ZNF536: variants seen among roughly 807,000 people sequenced by gnomAD.
The protein encoded by ZNF536 is zinc finger protein 536.
ZNF536 carries 13 observed loss-of-function variants against 84.5 expected under a neutral mutation model. That is an observed-to-expected ratio of 0.15 (90% CI 0.10 to 0.24). The LOEUF is 0.24. ZNF536 is among the 10% of genes least tolerant of loss of function. ZNF536 has a pLI of 1.00. For missense variants in ZNF536, 1,536 were observed against 1,747.5 expected, an observed-to-expected ratio of 0.88 and a Z score of 2.16; for synonymous variants, 811 against 742.5, an observed-to-expected ratio of 1.09 and a Z score of -1.50.
At chr19:30,592,416 T>C (rs1199364233) in intron 1 of ZNF536, among the ~76,000 whole-genome samples, 2 of 152,182 alleles carry the variant, frequency 1.3e-5, no homozygotes, top group African/African-American at 4.8e-5. Context: ...GGAAAGAAAA[T>C]GGGTCAGGCA....
At chr19:30,471,297 C>T (rs1049275479) in intron 2 of ZNF536, among the ~76,000 whole-genome samples, 3 of 152,126 alleles carry the variant, frequency 2.0e-5, no homozygotes, top group East Asian at 1.9e-4. Flanking sequence ...CAGGTTTCTA[C>T]GCAGGAAAGC....
intron 2 of ZNF536, among the ~76,000 whole-genome samples, chr19:30,489,525 T>G (rs891236169): frequency 6.6e-6 from 1 of 152,026 alleles, no homozygotes; most frequent in African/African-American, 2.4e-5. Context: ...CAGAATGCAG[T>G]GAGCTATGAT....
chr19:30,258,843 G>C (rs766330029), intron 1 of ZNF536, among the ~76,000 whole-genome samples: 1 of 151,616 alleles, frequency 6.6e-6, no homozygotes, highest in Admixed American at 6.6e-5. Flanking sequence ...TCAGCCTCCC[G>C]AGTAGCTGGG....
At chr19:30,373,828 G>A (rs2087276918) in intron 1 of ZNF536, among the ~76,000 whole-genome samples, 2 of 148,590 alleles carry the variant, frequency 1.3e-5, no homozygotes, top group Admixed American at 1.3e-4. Context: ...AGAATTCCAG[G>A]ATGATCTACA....
At chr19:30,601,323 C>T (rs1280220868) in intron 1 of ZNF536, among the ~76,000 whole-genome samples, 1 of 152,168 alleles carries the variant, frequency 6.6e-6, no homozygotes, top group Non-Finnish European at 1.5e-5. Context: ...TACAAAACCA[C>T]GGCTCTCTGG....
intron 1 of ZNF536, among the ~76,000 whole-genome samples, chr19:30,635,067 G>GGGGTGTGT (rs1555821106): frequency 7.3e-5 from 11 of 150,278 alleles, no homozygotes; most frequent in South Asian, 2.1e-4. Flanking sequence ...AAGAAAGCTG[G>GGGGTGTGT]GTGTGTGTGT....
chr19:30,607,915 T>G (rs1332572509), intron 1 of ZNF536, among the ~76,000 whole-genome samples: 1 of 152,172 alleles, frequency 6.6e-6, no homozygotes, highest in African/African-American at 2.4e-5. Flanking sequence ...AAGTATTGAC[T>G]TTAGTCTCCA....
At chr19:30,594,309 C>T (rs2047374011) in intron 1 of ZNF536, among the ~76,000 whole-genome samples, 1 of 152,196 alleles carries the variant, frequency 6.6e-6, no homozygotes, top group Non-Finnish European at 1.5e-5. Flanking sequence ...TTTCTGAGGG[C>T]ATGTGCAGAA....
At chr19:30,522,609 A>G (rs1880577326) in intron 2 of ZNF536, among the ~76,000 whole-genome samples, 1 of 152,062 alleles carries the variant, frequency 6.6e-6, no homozygotes, top group Non-Finnish European at 1.5e-5. Context: ...AAAGGAACAC[A>G]CACATCCTAA....
At chr19:30,494,945 C>CAAAAAAAA (rs1252256481) in intron 2 of ZNF536, among the ~76,000 whole-genome samples, 3 of 69,950 alleles carry the variant, frequency 4.3e-5, no homozygotes, top group African/African-American at 1.1e-4. Flanking sequence ...GACTCCGTCT[C>CAAAAAAAA]AAAAAAGAAA....
intron 1 of ZNF536, among the ~76,000 whole-genome samples, chr19:30,585,467 T>C (rs946967520): frequency 5.9e-5 from 9 of 152,166 alleles, no homozygotes; most frequent in Non-Finnish European, 1.0e-4. Flanking sequence ...AGCTCGGCTA[T>C]TGATGGAGAC....
intron 2 of ZNF536, among the ~76,000 whole-genome samples, chr19:30,456,903 G>A (rs909805844): frequency 7.3e-5 from 11 of 151,432 alleles, no homozygotes; most frequent in African/African-American, 2.2e-4. Flanking sequence ...TTAGCTGGGC[G>A]TGGTGGTGGG....
At chr19:30,302,622 C>A (rs1410051350) in intron 2 of ZNF536, among the ~76,000 whole-genome samples, 1 of 152,128 alleles carries the variant, frequency 6.6e-6, no homozygotes, top group African/African-American at 2.4e-5. Context: ...TGGGAGTCTA[C>A]AATGCTACAG....
chr19:30,383,778 T>A (rs1197233937), intron 1 of ZNF536, among the ~76,000 whole-genome samples: 1 of 80,412 alleles, frequency 1.2e-5, no homozygotes, highest in Non-Finnish European at 3.5e-5. Context: ...TTTCTTTTCT[T>A]TCTTTCTTTC....
At chr19:30,623,716 C>T (rs1039287943) in intron 1 of ZNF536, among the ~76,000 whole-genome samples, 1 of 152,196 alleles carries the variant, frequency 6.6e-6, no homozygotes, top group Non-Finnish European at 1.5e-5. Flanking sequence ...GGACCAGCCC[C>T]ATCCTAGAAT....
At chr19:30,302,088 A>C (rs563015718) in intron 2 of ZNF536, among the ~76,000 whole-genome samples, 1 of 152,270 alleles carries the variant, frequency 6.6e-6, no homozygotes, top group East Asian at 1.9e-4. Flanking sequence ...GTTTGTATAT[A>C]ATATTTTTTC....
intron 1 of ZNF536, among the ~76,000 whole-genome samples, chr19:30,609,030 A>G (rs1201012263): frequency 6.6e-6 from 1 of 152,216 alleles, no homozygotes; most frequent in Non-Finnish European, 1.5e-5. Context: ...TCACTACAAC[A>G]TGGTAACTGC....
At chr19:30,688,017 TAAA>T (rs5827729) in intron 1 of ZNF536, among the ~76,000 whole-genome samples, 24,147 of 136,420 alleles carry the variant, frequency 0.18, 2,351 homozygotes, top group East Asian at 0.35. Context: ...TTATGACTGC[TAAA>T]AAAAAAAAAA....
chr19:30,620,616 T>A (rs2048449627), intron 1 of ZNF536, among the ~76,000 whole-genome samples: 1 of 152,164 alleles, frequency 6.6e-6, no homozygotes, highest in Non-Finnish European at 1.5e-5. Context: ...GTCATCCCCA[T>A]GTGTTGCAGT....
Sources: gnomAD v4.1 joint callset for allele counts (sites outside exome capture counted in the v4.1 genomes callset) on GRCh38, gnomAD v4.1.1 for gene constraint, MANE v1.5 for transcripts, NCBI Gene and HGNC (gene_info 2026-07-23, HGNC 2026-07-21) for gene names.